BRD4: variants seen among roughly 807,000 people sequenced by gnomAD.
BRD4 encodes the protein bromodomain containing 4.
Under a neutral mutation model 142.1 loss-of-function variants are expected in BRD4, and 16 were observed. That is an observed-to-expected ratio of 0.11 (90% CI 0.08 to 0.17). BRD4 has a LOEUF of 0.17. Ranked by LOEUF, BRD4 falls within the 10% of genes least tolerant of loss-of-function variation. The pLI is 1.00. For missense variants in BRD4, 1,424 were observed against 1,810.9 expected (o/e 0.79, Z 3.88); for synonymous variants, 833 against 707.5 (o/e 1.18, Z -2.82).
intron 1 of BRD4, among the ~76,000 whole-genome samples, chr19:15,329,265 C>CT (rs1179747524): frequency 6.6e-6 from 1 of 152,066 alleles, no homozygotes; most frequent in Non-Finnish European, 1.5e-5. Flanking sequence ...CTTATCTTTC[C>CT]TTTTTACAGA....
intron 1 of BRD4, among the ~76,000 whole-genome samples, chr19:15,309,698 G>C (rs1281766269): frequency 6.6e-6 from 1 of 152,160 alleles, no homozygotes; most frequent in Non-Finnish European, 1.5e-5. Context: ...TCATTTCTAA[G>C]GATACAACCA....
At chr19:15,317,792 T>C (rs918268872) in intron 1 of BRD4, among the ~76,000 whole-genome samples, 7 of 152,306 alleles carry the variant, frequency 4.6e-5, no homozygotes, top group Admixed American at 6.5e-5. Flanking sequence ...AAGGGCCCAA[T>C]AGAGAGACCG....
chr19:15,326,780 ACT>A (rs1244523803), intron 1 of BRD4, among the ~76,000 whole-genome samples: 1 of 152,082 alleles, frequency 6.6e-6, no homozygotes, highest in Non-Finnish European at 1.5e-5. Flanking sequence ...CTGACTCAGA[ACT>A]CTCTTCCTCT....
chr19:15,250,021 G>C (rs1568380747), intron 11 of BRD4, among the ~76,000 whole-genome samples: 1 of 152,138 alleles, frequency 6.6e-6, no homozygotes. Flanking sequence ...GGACCAGGGA[G>C]GGGCACTGGG....
intron 1 of BRD4, among the ~76,000 whole-genome samples, chr19:15,287,062 ACCTGCT>A (rs2047745273): frequency 6.6e-6 from 1 of 152,202 alleles, no homozygotes; most frequent in Non-Finnish European, 1.5e-5. Flanking sequence ...CTTTAAATCA[ACCTGCT>A]CAACTAAAAT....
chr19:15,267,618 C>A (rs1229218476), intron 3 of BRD4, 67 bp from the exon 4 acceptor site: 15 of 1,539,820 alleles, frequency 9.7e-6, no homozygotes, highest in Non-Finnish European at 1.2e-5. Context: ...GACAGGGCAC[C>A]CCATGCCACC....
intron 1 of BRD4, among the ~76,000 whole-genome samples, chr19:15,301,461 T>G (rs1446799194): frequency 6.6e-6 from 1 of 151,738 alleles, no homozygotes; most frequent in Non-Finnish European, 1.5e-5. Context: ...CTCAGGAGGC[T>G]GAAGCAGGAG....
At chr19:15,291,377 G>C (rs1316565275) in intron 1 of BRD4, among the ~76,000 whole-genome samples, 2 of 152,188 alleles carry the variant, frequency 1.3e-5, no homozygotes, top group South Asian at 2.1e-4. Context: ...ATCTGCCCTT[G>C]TGGGTTCACA....
chr19:15,317,422 C>T (rs1416653500), intron 1 of BRD4, among the ~76,000 whole-genome samples: 1 of 152,194 alleles, frequency 6.6e-6, no homozygotes, highest in African/African-American at 2.4e-5. Flanking sequence ...GGCTCCACCA[C>T]TTTAAAACAG....
rs2047545187 is a variant in BRD4 at position 15,267,433 on chromosome 19, C to T, written c.542G>A (p.Arg181His). 3.1e-6 allele frequency: 5 copies of T among 1,614,170 alleles called. No individual in the cohort carries two copies. Among genetic ancestry groups the T allele is most frequent in the South Asian group, 1.1e-5 (1 of 91,068 alleles). Residue 181 changes from arginine (R) to histidine (H), a missense_variant, in exon 4 of 20, where the codon CGT (arginine) becomes CAT (histidine). Physicochemically the swap from Arg to His is conservative, Grantham distance 29. Transcript: ENST00000679869. ...IMIVQAKGRGRGRKETGTAKP... is the reference protein window; with the variant it reads ...IMIVQAKGRGHGRKETGTAKP... ...TACTCTACCTGTTTCTTTCCTCCCA[C>T]GTCCTCTTCCTTTTGCCTGGACTAT...
At chr19:15,330,859 T>C (rs2145027354) in intron 1 of BRD4, among the ~76,000 whole-genome samples, 1 of 152,272 alleles carries the variant, frequency 6.6e-6, no homozygotes, top group South Asian at 2.1e-4. Context: ...TCCTTTTGAG[T>C]ATCGCTTTCT....
Position 15,254,240 on chromosome 19 carries a change from G to A in BRD4, c.2070C>T (p.Ala690=), listed in dbSNP as rs764049532. 23 of 1,614,032 alleles carry A rather than the reference G, an allele frequency of 1.4e-5. No individual in the cohort carries two copies. In the South Asian group the frequency reaches 1.4e-4, roughly 10 times the overall value. The change falls in exon 11 of 20, where the codon GCC becomes GCT. Residue 690 remains alanine, a synonymous_variant. Coordinates refer to ENST00000679869, the MANE Select transcript of BRD4 (RefSeq NM_001379291.1). ...AGAAGCCCTTCATCTTGGAGGAGCCGGCAATCACATCAACTTTCTCAGCTG... is the reference window on the plus strand; with the variant it reads ...AGAAGCCCTTCATCTTGGAGGAGCCAGCAATCACATCAACTTTCTCAGCTG... ...KPQAEKVDVI[A]GSSKMKGFSS...
At chr19:15,302,580 A>C (rs2047878359) in intron 1 of BRD4, among the ~76,000 whole-genome samples, 1 of 147,890 alleles carries the variant, frequency 6.8e-6, no homozygotes, top group Non-Finnish European at 1.5e-5. Context: ...GAGGCAGGAG[A>C]ATTGCTTGAG....
intron 1 of BRD4, among the ~76,000 whole-genome samples, chr19:15,330,891 G>A (rs566143148): frequency 6.6e-4 from 101 of 152,266 alleles, no homozygotes; most frequent in Admixed American, 2.2e-3. Flanking sequence ...AAAGACGGTA[G>A]GGAACTTGAC....
intron 1 of BRD4, among the ~76,000 whole-genome samples, 173 bp from the exon 2 acceptor site, chr19:15,273,306 C>T (rs2047610307): frequency 6.6e-6 from 1 of 152,174 alleles, no homozygotes; most frequent in African/African-American, 2.4e-5. Flanking sequence ...AATGTCTCCT[C>T]TCCCCAAAGA....
At position 15,239,623 on chromosome 19, in the gene BRD4, G is replaced by A. The variant is rs1055671896; in HGVS notation, c.3445+36C>T. ...TTATGTCCAACACGGGCCTCGGGGGGCCTGAGCCCTGGCTGTGGGCAGGGA... is the reference window on the plus strand; with the variant it reads ...TTATGTCCAACACGGGCCTCGGGGGACCTGAGCCCTGGCTGTGGGCAGGGA... On this transcript the variant is annotated intron_variant, in intron 16 of 19. Transcript: ENST00000679869. This position sits in a 1 kb window ranked among gnomAD's most constrained non-coding sequence, Gnocchi z 7.4. 7.1e-6 allele frequency: 11 copies of A among 1,559,570 alleles called. No homozygotes were observed. The highest frequency in any genetic ancestry group is 5.5e-5 in the African/African-American group (4 of 72,964).
Position 15,302,668 on chromosome 19 carries a change from C to CA in BRD4, c.-34-29536dup, listed in dbSNP as rs572714842. ...TGGACAACTGAGCAAGACTCCGACTCAAAAAAAAAAAAAAAAAAAAAAAAA... is the reference window on the plus strand; with the variant it reads ...TGGACAACTGAGCAAGACTCCGACTCAAAAAAAAAAAAAAAAAAAAAAAAAA... On this transcript the variant is annotated intron_variant, in intron 1 of 19. Transcript: ENST00000679869. Among the ~76,000 whole-genome samples the CA allele has an allele frequency of 9.8e-3, 556 of 56,780 alleles. 39 individuals carry two copies. The highest frequency in any genetic ancestry group is 0.012 in the East Asian group (19 of 1,560). The allele number at this position is 56,780 out of a possible 152,430, so 37.2% of individuals were successfully genotyped here. A position where few individuals can be genotyped will look rare whatever the true frequency, so the allele number is the denominator to read the frequency against.
intron 1 of BRD4, among the ~76,000 whole-genome samples, chr19:15,292,915 G>C (rs906953389): frequency 1.3e-5 from 2 of 151,818 alleles, no homozygotes; most frequent in Admixed American, 6.6e-5. Flanking sequence ...GCAACAGAAG[G>C]AGGGTAACTC....
rs760142472 is a variant in BRD4 at position 15,243,228 on chromosome 19, G to A, written c.2841C>T (p.Ser947=). The A allele has an allele frequency of 1.0e-4, 143 of 1,413,218 alleles. No individual in the cohort carries two copies. Among genetic ancestry groups the A allele is most frequent in the Non-Finnish European group, 1.2e-4 (129 of 1,059,500 alleles). 87.5% of individuals were successfully genotyped at this position (1,413,218 alleles called of 1,614,324 possible). The change falls in exon 14 of 20, where the codon TCC becomes TCT. Residue 947 remains serine, a synonymous_variant. Transcript: ENST00000679869. The part of the protein sequence containing the change: ...KVQPPTPLLP[S]VKVQSQPPPP... ...GTGGGGGCTGGGACTGCACCTTCAC[G>A]GAAGGGAGTAGCGGCGTAGGGGGCT...
Sources: allele counts gnomAD v4.1 joint callset (sites outside exome capture counted in the v4.1 genomes callset), GRCh38; gene constraint gnomAD v4.1.1; non-coding constraint Gnocchi (gnomAD v3.1); transcripts MANE v1.5; gene names NCBI Gene and HGNC (gene_info 2026-07-23, HGNC 2026-07-21).